Variants in CDIN1 observed in about 807,000 individuals in gnomAD.
The protein encoded by CDIN1 is CDAN1 interacting nuclease 1.
CDIN1 carries 33 observed loss-of-function variants against 45.3 expected under a neutral mutation model. The observed-to-expected ratio is 0.73, with a 90% CI of 0.55 to 0.97. The LOEUF (loss-of-function observed/expected upper bound fraction) is 0.97. CDIN1 is among the 50% of genes least tolerant of loss of function. The probability of loss-of-function intolerance (pLI) is 0.00; values close to 1 mark genes in which losing one functional copy is unlikely to be tolerated. For synonymous variants in CDIN1, 118 were observed against 124.4 expected, an observed-to-expected ratio of 0.95 and a Z score of 0.34; for missense variants, 303 against 339.4, an observed-to-expected ratio of 0.89 and a Z score of 0.84.
intron 10 of CDIN1, among the ~76,000 whole-genome samples, chr15:36,747,948 A>G (rs1232272154): frequency 6.6e-6 from 1 of 152,208 alleles, no homozygotes; most frequent in African/African-American, 2.4e-5. Context: ...TAAGGATTTT[A>G]AAAATTTAAC....
intron 3 of CDIN1, chr15:36,647,788 T>C (rs575831091): frequency 6.6e-6 from 1 of 152,318 alleles, no homozygotes; most frequent in Admixed American, 6.5e-5. Context: ...ATTTTTTTCT[T>C]TTATAAAGTA....
intron 10 of CDIN1, among the ~76,000 whole-genome samples, chr15:36,711,595 C>T (rs2043058232): frequency 6.6e-6 from 1 of 152,110 alleles, no homozygotes; most frequent in Non-Finnish European, 1.5e-5. Context: ...TCTACTTTTA[C>T]CCTTCTGGTG....
At chr15:36,661,184 G>C (rs538877186) in intron 5 of CDIN1, among the ~76,000 whole-genome samples, 1 of 152,306 alleles carries the variant, frequency 6.6e-6, no homozygotes, top group African/African-American at 2.4e-5. Flanking sequence ...GCATTACACT[G>C]AATAAAGTAG....
chr15:36,649,901 T>C (rs2040503626), intron 3 of CDIN1, among the ~76,000 whole-genome samples: 1 of 152,224 alleles, frequency 6.6e-6, no homozygotes, highest in Admixed American at 6.5e-5. Context: ...GTCTTATATA[T>C]GTATTGTTGG....
At chr15:36,718,812 CTTTTTTTTT>C (rs3045909) in intron 10 of CDIN1, among the ~76,000 whole-genome samples, 1,352 of 96,720 alleles carry the variant, frequency 0.014, 24 homozygotes, top group African/African-American at 0.05. Context: ...AATTTGTATG[CTTTTTTTTT>C]TTTTTTTTTT....
rs1311513250 is a variant in CDIN1 at position 36,810,238 on chromosome 15, TAAA to T, written c.*1789_*1791del. ...GAACGTGAACAAATAAATTAAAAAA[TAAA>T]AAAGGTACTTGCGTTTTGTATTTAT... is the stretch of plus-strand genomic sequence containing the variant. On this transcript the variant is annotated 3_prime_UTR_variant, in exon 11 of 11. Coordinates refer to ENST00000566621, the MANE Select transcript of CDIN1 (RefSeq NM_001321759.2). The T allele has an allele frequency of 6.6e-6, 1 of 152,086 alleles. No individual in the cohort carries two copies. The highest frequency in any genetic ancestry group is 1.5e-5 in the Non-Finnish European group (1 of 67,980). 9.4% of individuals were successfully genotyped at this position (152,086 alleles called of 1,614,324 possible). A position where few individuals can be genotyped will look rare whatever the true frequency, so the allele number is the denominator to read the frequency against.
rs571534792 is a variant in CDIN1, at chr15:36,624,468, T to G, written c.102-19810T>G. Among the ~76,000 whole-genome samples, 95 of 152,354 alleles carry G rather than the reference T, an allele frequency of 6.2e-4. 1 individual carries two copies. The highest frequency in any genetic ancestry group is 1.1e-3 in the Non-Finnish European group (75 of 68,028). ...ATTAAAGTGGGTGGTTGTAGAATAA[T>G]TATAGTCCATATCATGATGATGATG... On this transcript the variant is annotated intron_variant, in intron 1 of 10. Coordinates refer to ENST00000566621, the MANE Select transcript of CDIN1 (RefSeq NM_001321759.2).
chr15:36,794,604 A>G (rs1282586750), intron 10 of CDIN1, among the ~76,000 whole-genome samples: 3 of 152,120 alleles, frequency 2.0e-5, no homozygotes, highest in Admixed American at 6.5e-5. Flanking sequence ...TTGGGGTTCA[A>G]TCATGTTGTA....
chr15:36,785,871 C>G (rs978707785), intron 10 of CDIN1, among the ~76,000 whole-genome samples: 3 of 152,118 alleles, frequency 2.0e-5, no homozygotes, highest in African/African-American at 7.2e-5. Context: ...ATAAAGGCAA[C>G]TAAACACACA....
intron 8 of CDIN1, among the ~76,000 whole-genome samples, chr15:36,700,546 T>G (rs2042592853): frequency 1.3e-5 from 2 of 151,774 alleles, no homozygotes; most frequent in Admixed American, 1.3e-4. Context: ...GATGGAATTT[T>G]ACTTATTCAT....
chr15:36,599,662 A>G (rs2038005366), intron 1 of CDIN1, among the ~76,000 whole-genome samples: 1 of 152,204 alleles, frequency 6.6e-6, no homozygotes, highest in South Asian at 2.1e-4. Flanking sequence ...TTTTGTTAAA[A>G]ATTGCACTAT....
chr15:36,767,040 T>C (rs1007884700), intron 10 of CDIN1, among the ~76,000 whole-genome samples: 1 of 152,186 alleles, frequency 6.6e-6, no homozygotes, highest in African/African-American at 2.4e-5. Flanking sequence ...TTTTTCCCTA[T>C]GCTTTCTTCT....
intron 10 of CDIN1, among the ~76,000 whole-genome samples, chr15:36,806,303 G>C (rs772554982): frequency 1.3e-5 from 2 of 152,188 alleles, no homozygotes; most frequent in African/African-American, 2.4e-5. Context: ...GAGCTGTCAT[G>C]CTTCGTGTCC....
intron 10 of CDIN1, among the ~76,000 whole-genome samples, chr15:36,764,348 G>T (rs1043078597): frequency 6.6e-6 from 1 of 151,308 alleles, no homozygotes; most frequent in Non-Finnish European, 1.5e-5. Flanking sequence ...GATGCCAAAA[G>T]ACTCATTTAT....
intron 1 of CDIN1, among the ~76,000 whole-genome samples, chr15:36,586,192 G>GTTT (rs10691719): frequency 0.41 from 57,815 of 139,818 alleles, 12,108 homozygotes; most frequent in East Asian, 0.54. Context: ...TTACCTTTGA[G>GTTT]TTTTTTTTTT....
intron 10 of CDIN1, chr15:36,798,709 T>C (rs2054903811): frequency 6.6e-6 from 1 of 152,188 alleles, no homozygotes; most frequent in African/African-American, 2.4e-5. Context: ...CTGTGATCCT[T>C]TGAGAACTAT....
intron 10 of CDIN1, among the ~76,000 whole-genome samples, chr15:36,783,660 A>G (rs1410412607): frequency 6.6e-6 from 1 of 152,168 alleles, no homozygotes; most frequent in African/African-American, 2.4e-5. Context: ...ACACATGAAC[A>G]TACAGTAAAC....
At chr15:36,715,066 G>A (rs1389618869) in intron 10 of CDIN1, among the ~76,000 whole-genome samples, 1 of 152,202 alleles carries the variant, frequency 6.6e-6, no homozygotes, top group Non-Finnish European at 1.5e-5. Context: ...AGTATTAAAT[G>A]AAGCAAGTGC....
chr15:36,609,203 T>C (rs2038529423), intron 1 of CDIN1, among the ~76,000 whole-genome samples: 1 of 152,060 alleles, frequency 6.6e-6, no homozygotes, highest in Admixed American at 6.5e-5. Context: ...TTTTTATGGA[T>C]GGGGGTCTCC....
Sources: gnomAD v4.1 joint callset for allele counts (sites outside exome capture counted in the v4.1 genomes callset) on GRCh38, gnomAD v4.1.1 for gene constraint, MANE v1.5 for transcripts, NCBI Gene and HGNC (gene_info 2026-07-23, HGNC 2026-07-21) for gene names.